Variants in DMD observed in about 807,000 individuals in gnomAD.
DMD encodes dystrophin, also known as mutant dystrophin.
In DMD, 63 loss-of-function variants were observed where a neutral mutation model predicts 330.1. The observed-to-expected ratio is 0.19, with a 90% CI of 0.16 to 0.24. DMD has a LOEUF of 0.24. DMD is among the 10% of genes least tolerant of loss of function. DMD has a pLI of 1.00. For missense variants in DMD, 3,344 were observed against 2,684.1 expected, an observed-to-expected ratio of 1.25 and a Z score of -5.43; for synonymous variants, 1,223 against 959.8, an observed-to-expected ratio of 1.27 and a Z score of -5.07.
intron 16 of DMD, among the ~76,000 whole-genome samples, chrX:32,564,937 T>G (rs921899171): frequency 8.9e-6 from 1 of 111,987 alleles, no homozygotes; most frequent in African/African-American, 3.2e-5. Context: ...TTCCTTATAA[T>G]GCCAGGCTAT....
Position 31,139,474 on chromosome X carries a change from TACACACACAC to T in DMD, c.10922-5290_10922-5281del, listed in dbSNP as rs57784155. Among the ~76,000 whole-genome samples, 22 of 98,601 alleles carry T rather than the reference TACACACACAC, an allele frequency of 2.2e-4. No individual in the cohort carries two copies. The East Asian group carries it at 2.5e-3, about 11-fold the overall frequency. The allele number at this position is 98,601 out of a possible 115,157, so 85.6% of individuals were successfully genotyped here. On this transcript the variant is annotated intron_variant, in intron 76 of 78. Coordinates refer to ENST00000357033, the MANE Select transcript of DMD (RefSeq NM_004006.3). ...ATGCAGTATGTACGTGGTGTTTATA[TACACACACAC>T]ACACACACACACACACACACACACG...
chrX:33,010,134 ATATATACGTG>A (rs2093657756), intron 2 of DMD, among the ~76,000 whole-genome samples: 1 of 103,484 alleles, frequency 9.7e-6, no homozygotes, highest in South Asian at 4.0e-4. Context: ...GTATATATGT[ATATATACGTG>A]TATATATACA....
intron 55 of DMD, among the ~76,000 whole-genome samples, chrX:31,585,765 CA>C (rs2076572844): frequency 9.0e-6 from 1 of 111,399 alleles, no homozygotes; most frequent in Non-Finnish European, 1.9e-5. Context: ...GTGTGGTTCT[CA>C]ATCAGCAACA....
chrX:32,430,224 G>A (rs774295473), intron 29 of DMD, among the ~76,000 whole-genome samples: 71 of 111,711 alleles, frequency 6.4e-4, no homozygotes, highest in African/African-American at 2.0e-3. Context: ...ACCTCTAGCT[G>A]CTAATATAAA....
intron 32 of DMD, among the ~76,000 whole-genome samples, chrX:32,387,328 G>A (rs2097965633): frequency 9.1e-6 from 1 of 110,452 alleles, no homozygotes; most frequent in Non-Finnish European, 1.9e-5. Context: ...GTATGTATGT[G>A]GCCATGTATT....
chrX:31,936,063 A>G, intron 45 of DMD, among the ~76,000 whole-genome samples: 1 of 111,133 alleles, frequency 9.0e-6, no homozygotes, highest in Non-Finnish European at 1.9e-5. Flanking sequence ...GTGTCTCTGT[A>G]GGTCATTAAT....
At chrX:31,559,103 T>C (rs1006450041) in intron 55 of DMD, among the ~76,000 whole-genome samples, 7 of 112,337 alleles carry the variant, frequency 6.2e-5, no homozygotes, top group African/African-American at 2.3e-4. Flanking sequence ...CAGTGATCTC[T>C]CTATAAAGCA....
At chrX:32,789,023 C>T (rs1483634607) in intron 7 of DMD, among the ~76,000 whole-genome samples, 1 of 111,742 alleles carries the variant, frequency 8.9e-6, no homozygotes. Flanking sequence ...ATCACCTCTG[C>T]AAACAGCTCC....
intron 44 of DMD, among the ~76,000 whole-genome samples, chrX:32,077,540 C>CTT (rs2096362188): frequency 9.0e-6 from 1 of 111,645 alleles, no homozygotes; most frequent in African/African-American, 3.3e-5. Flanking sequence ...CTTGCTAACA[C>CTT]TTAAATCCCA....
intron 65 of DMD, among the ~76,000 whole-genome samples, chrX:31,207,677 A>G (rs977428766): frequency 8.9e-6 from 1 of 111,998 alleles, no homozygotes; most frequent in East Asian, 2.8e-4. Context: ...AAATGATGAG[A>G]GCTCACGAAC....
chrX:33,278,391 A>T (rs934109851), intron 1 of DMD, among the ~76,000 whole-genome samples: 1 of 110,781 alleles, frequency 9.0e-6, no homozygotes, highest in Admixed American at 9.6e-5. Flanking sequence ...GTTCATGTGT[A>T]CTCAGTGTTT....
chrX:31,490,515 C>G (rs889340357), intron 57 of DMD, among the ~76,000 whole-genome samples: 1 of 110,830 alleles, frequency 9.0e-6, no homozygotes, highest in African/African-American at 3.3e-5. Flanking sequence ...GAGATCGCAC[C>G]GCTGCACTCC....
intron 55 of DMD, among the ~76,000 whole-genome samples, chrX:31,550,800 G>A (rs2074427600): frequency 8.9e-6 from 1 of 111,799 alleles, no homozygotes. Flanking sequence ...GACTCAGTCT[G>A]GGTTTCCCAT....
Position 33,097,337 on chromosome X carries a change from C to A in DMD, c.32-77137G>T, listed in dbSNP as rs956037844. On this transcript the variant is annotated intron_variant, in intron 1 of 78. Transcript: ENST00000357033. The stretch of plus-strand genomic sequence containing the variant: ...CAATCCCTGATTTAAAATTGTGAAA[C>A]AATCTCAAATAGGTCCAGTCCCATT... Among the ~76,000 whole-genome samples, 3 of 110,008 alleles carry A rather than the reference C, an allele frequency of 2.7e-5. No individual in the cohort carries two copies. In the East Asian group the frequency reaches 8.6e-4, roughly 32 times the overall value.
intron 7 of DMD, among the ~76,000 whole-genome samples, chrX:32,754,510 C>T (rs1296997489): frequency 9.5e-6 from 1 of 105,725 alleles, no homozygotes; most frequent in East Asian, 2.9e-4. Context: ...ACCATAGAAC[C>T]TTAGCCACTG....
chrX:32,892,443 G>C (rs1339179298), intron 2 of DMD, among the ~76,000 whole-genome samples: 1 of 111,930 alleles, frequency 8.9e-6, no homozygotes, highest in Non-Finnish European at 1.9e-5. Flanking sequence ...GCCCAGGCTG[G>C]AGCGCAACGG....
chrX:32,394,929 A>ACAAAAAAAAC (rs1294965078), intron 30 of DMD, among the ~76,000 whole-genome samples: 2 of 92,617 alleles, frequency 2.2e-5, no homozygotes, highest in Non-Finnish European at 4.3e-5. Flanking sequence ...AAAAAAAAAA[A>ACAAAAAAAAC]AAAAGAAAAG....
intron 1 of DMD, among the ~76,000 whole-genome samples, chrX:33,274,075 G>GT (rs911825321): frequency 3.6e-5 from 4 of 111,181 alleles, no homozygotes; most frequent in East Asian, 2.8e-4. Context: ...GATAACTGAA[G>GT]TTTTTTTTGT....
chrX:31,459,645 A>T (rs940537674), intron 59 of DMD, among the ~76,000 whole-genome samples: 10 of 112,305 alleles, frequency 8.9e-5, no homozygotes, highest in African/African-American at 3.2e-4. Flanking sequence ...TTATGAAGAA[A>T]AAAAATTACC....
Sources: gnomAD v4.1 joint callset for allele counts (sites outside exome capture counted in the v4.1 genomes callset) on GRCh38, gnomAD v4.1.1 for gene constraint, MANE v1.5 for transcripts, NCBI Gene and HGNC (gene_info 2026-07-23, HGNC 2026-07-21) for gene names.